ANO6: variants seen among roughly 807,000 people sequenced by gnomAD.
ANO6 encodes the protein anoctamin-6.
In ANO6, 106 loss-of-function variants were observed where a neutral mutation model predicts 117.5. That is an observed-to-expected ratio of 0.90 (90% CI 0.77 to 1.06). The LOEUF is 1.06. Ranked by LOEUF, ANO6 falls within the 50% of genes least tolerant of loss-of-function variation. The probability of loss-of-function intolerance (pLI) is 0.00; values close to 1 mark genes in which losing one functional copy is unlikely to be tolerated. For synonymous variants in ANO6, 367 were observed against 385.1 expected (o/e 0.95, Z 0.55); for missense variants, 955 against 1,121.1 (o/e 0.85, Z 2.12).
At chr12:45,299,723 A>AC (rs1187890194) in intron 1 of ANO6, among the ~76,000 whole-genome samples, 12 of 151,972 alleles carry the variant, frequency 7.9e-5, no homozygotes, top group African/African-American at 2.9e-4. Flanking sequence ...GTGTAGTGGC[A>AC]CGCCTGTAGT....
chr12:45,227,741 G>A (rs1227150189), intron 1 of ANO6, among the ~76,000 whole-genome samples: 2 of 151,860 alleles, frequency 1.3e-5, no homozygotes, highest in African/African-American at 2.4e-5. Context: ...TATGCATATA[G>A]GAACTGCTCA....
At chr12:45,435,014 CAG>C (rs763156188), downstream of ANO6, among the ~76,000 whole-genome samples, 30 of 152,316 alleles carry the variant, frequency 2.0e-4, no homozygotes, top group Middle Eastern at 3.4e-3. Flanking sequence ...AAGCCTAGAA[CAG>C]AACTTTTCCC....
chr12:45,425,933 A>C (rs2137721200), intron 19 of ANO6, among the ~76,000 whole-genome samples: 1 of 152,346 alleles, frequency 6.6e-6, no homozygotes, highest in Admixed American at 6.5e-5. Flanking sequence ...CTCACTTAAC[A>C]TCCTTATTAG....
chr12:45,339,047 G>A (rs771491540), intron 3 of ANO6, among the ~76,000 whole-genome samples: 2 of 152,066 alleles, frequency 1.3e-5, no homozygotes, highest in African/African-American at 2.4e-5. Flanking sequence ...CTGTAAAGGG[G>A]TACAGCAGGA....
intron 10 of ANO6, among the ~76,000 whole-genome samples, chr12:45,381,880 T>G (rs928799999): frequency 6.6e-6 from 1 of 152,032 alleles, no homozygotes; most frequent in African/African-American, 2.4e-5. Flanking sequence ...AAGTTAAGAA[T>G]ATTATCATGA....
intron 2 of ANO6, among the ~76,000 whole-genome samples, chr12:45,314,472 TATAC>T (rs72097532): frequency 0.2 from 7,851 of 38,376 alleles, 510 homozygotes; most frequent in East Asian, 0.58. Context: ...ATATATTATA[TATAC>T]ACACACACAC....
At chr12:45,379,463 T>C (rs1942113886) in intron 10 of ANO6, among the ~76,000 whole-genome samples, 1 of 152,202 alleles carries the variant, frequency 6.6e-6, no homozygotes, top group South Asian at 2.1e-4. Flanking sequence ...CATAGAAGAA[T>C]AAAGATTGAA....
At chr12:45,279,416 A>G (rs1310060158) in intron 1 of ANO6, among the ~76,000 whole-genome samples, 4 of 152,008 alleles carry the variant, frequency 2.6e-5, no homozygotes. Context: ...CTTTGTCTTT[A>G]TTGGTTTATG....
intron 1 of ANO6, among the ~76,000 whole-genome samples, chr12:45,275,277 C>G (rs1356071891): frequency 3.9e-5 from 6 of 152,154 alleles, no homozygotes; most frequent in Non-Finnish European, 7.3e-5. Flanking sequence ...GTAGCGCCAT[C>G]TCGGCTCACT....
chr12:45,429,620 T>G lies in ANO6; in HGVS notation c.*309T>G, dbSNP rs1943587953. 8.5e-7 allele frequency: 1 copy of G among 1,173,680 alleles called. No homozygotes were observed. Among genetic ancestry groups the G allele is most frequent in the Admixed American group, 4.5e-5 (1 of 22,366 alleles). The allele number at this position is 1,173,680 out of a possible 1,614,324, so 72.7% of individuals were successfully genotyped here. A position where few individuals can be genotyped will look rare whatever the true frequency, so the allele number is the denominator to read the frequency against. ...CCACCCCTTCTAAAGTAGAATGGAT[T>G]CTTTTTTTTCTGTTTGATTATTTTC... On this transcript the variant is annotated 3_prime_UTR_variant, in exon 20 of 20. Transcript: ENST00000320560.
intron 2 of ANO6, among the ~76,000 whole-genome samples, chr12:45,314,450 A>AC (rs1006607158): frequency 4.6e-5 from 6 of 130,480 alleles, no homozygotes; most frequent in Admixed American, 4.4e-4. Flanking sequence ...CTCTACAAAA[A>AC]AAAAATTATA....
chr12:45,412,275 G>A (rs901739454), intron 16 of ANO6, among the ~76,000 whole-genome samples: 2 of 152,316 alleles, frequency 1.3e-5, no homozygotes, highest in East Asian at 3.9e-4. Context: ...AACTTGATGA[G>A]GCCTTCCTGG....
chr12:45,361,107 G>A (rs1326701170), intron 8 of ANO6, among the ~76,000 whole-genome samples: 1 of 152,088 alleles, frequency 6.6e-6, no homozygotes, highest in African/African-American at 2.4e-5. Flanking sequence ...TAAGAATAAT[G>A]TTGATTCCAT....
chr12:45,369,933 T>C (rs867424107), intron 9 of ANO6, among the ~76,000 whole-genome samples: 1 of 152,266 alleles, frequency 6.6e-6, no homozygotes, highest in Non-Finnish European at 1.5e-5. Context: ...TATTTAGTTA[T>C]AAAATTTTGA....
chr12:45,282,577 T>C (rs1025761336), intron 1 of ANO6, among the ~76,000 whole-genome samples: 1 of 152,168 alleles, frequency 6.6e-6, no homozygotes, highest in African/African-American at 2.4e-5. Flanking sequence ...TGCAAGTCAC[T>C]ATGGACCTTA....
At chr12:45,269,015 G>T (rs1305871128) in intron 1 of ANO6, among the ~76,000 whole-genome samples, 1 of 152,140 alleles carries the variant, frequency 6.6e-6, no homozygotes, top group Non-Finnish European at 1.5e-5. Context: ...ACGCCTGGCC[G>T]CTCATTGGAT....
At chr12:45,436,741 G>A (rs1350057745), downstream of ANO6, among the ~76,000 whole-genome samples, 3 of 152,212 alleles carry the variant, frequency 2.0e-5, no homozygotes, top group Non-Finnish European at 4.4e-5. Flanking sequence ...GCCGAGGCTG[G>A]TGGATCATCT....
chr12:45,333,725 C>T (rs1417799151), intron 3 of ANO6, among the ~76,000 whole-genome samples: 6 of 151,944 alleles, frequency 3.9e-5, no homozygotes, highest in South Asian at 2.1e-4. Context: ...ATATATACTT[C>T]ACCGAAATTC....
At chr12:45,239,745 T>C (rs2137160951) in intron 1 of ANO6, among the ~76,000 whole-genome samples, 1 of 151,916 alleles carries the variant, frequency 6.6e-6, no homozygotes, top group African/African-American at 2.4e-5. Context: ...TGGTACGTTA[T>C]GTCTTTGTTC....
Sources: allele counts gnomAD v4.1 joint callset (sites outside exome capture counted in the v4.1 genomes callset), GRCh38; gene constraint gnomAD v4.1.1; transcripts MANE v1.5; gene names NCBI Gene and HGNC (gene_info 2026-07-23, HGNC 2026-07-21).